GDPD4: variants seen among roughly 807,000 people sequenced by gnomAD.
The protein encoded by GDPD4 is glycerophosphodiester phosphodiesterase 6.
A neutral mutation model predicts 67.8 loss-of-function variants in GDPD4; 60 were observed. That is an observed-to-expected ratio of 0.88 (90% CI 0.72 to 1.10). The LOEUF (loss-of-function observed/expected upper bound fraction) is 1.10. Ranked by LOEUF, GDPD4 falls within the 50% of genes least tolerant of loss-of-function variation. The probability of loss-of-function intolerance (pLI) is 0.00; values close to 1 mark genes in which losing one functional copy is unlikely to be tolerated. For missense variants in GDPD4, 623 were observed against 613.9 expected, an observed-to-expected ratio of 1.01 and a Z score of -0.16; for synonymous variants, 212 against 210.9, an observed-to-expected ratio of 1.00 and a Z score of -0.04.
At chr11:77,285,052 T>C (rs1294520923) in intron 3 of GDPD4, 33 bp downstream of exon 3, 1 of 1,537,508 alleles carries the variant, frequency 6.5e-7, no homozygotes, top group Non-Finnish European at 9.0e-7. Flanking sequence ...AAAATACCCT[T>C]ACACAAATGA....
At chr11:77,236,483 G>C (rs1315641909) in intron 13 of GDPD4, among the ~76,000 whole-genome samples, 1 of 151,910 alleles carries the variant, frequency 6.6e-6, no homozygotes, top group Non-Finnish European at 1.5e-5. Flanking sequence ...ACAAAATTTT[G>C]TTTATAAGAG....
At chr11:77,225,201 T>C (rs1958304156) in intron 16 of GDPD4, among the ~76,000 whole-genome samples, 1 of 151,640 alleles carries the variant, frequency 6.6e-6, no homozygotes, top group Admixed American at 6.6e-5. Context: ...CTCAGAAGAC[T>C]GAGGCAGGAG....
intron 10 of GDPD4, among the ~76,000 whole-genome samples, chr11:77,262,854 CAAAAAAAAAAA>C (rs67911054): frequency 4.5e-5 from 3 of 67,004 alleles, no homozygotes; most frequent in Admixed American, 4.2e-4. Flanking sequence ...TTCTCTGCTG[CAAAAAAAAAAA>C]AAAAAAAAAA....
chr11:77,227,135 T>G (rs73497695), intron 16 of GDPD4, among the ~76,000 whole-genome samples: 12,492 of 152,274 alleles, frequency 0.082, 1,787 homozygotes, highest in African/African-American at 0.29. Flanking sequence ...CAAAACTTAC[T>G]GTGTGATCAT....
chr11:77,290,612 G>A (rs995653341), intron 1 of GDPD4, among the ~76,000 whole-genome samples: 5 of 152,134 alleles, frequency 3.3e-5, no homozygotes, highest in Non-Finnish European at 7.4e-5. Context: ...TACAGCAAGA[G>A]GAATGTTGAG....
chr11:77,257,023 G>C (rs754357791), intron 11 of GDPD4, among the ~76,000 whole-genome samples: 1 of 152,054 alleles, frequency 6.6e-6, no homozygotes, highest in Non-Finnish European at 1.5e-5. Context: ...ATGATCAAAC[G>C]GCCCTCAGGA....
intron 1 of GDPD4, among the ~76,000 whole-genome samples, chr11:77,294,491 CAT>C (rs1432428752): frequency 1.3e-5 from 2 of 152,072 alleles, no homozygotes; most frequent in Non-Finnish European, 2.9e-5. Flanking sequence ...AGTAAAGACT[CAT>C]AACAATACTG....
At chr11:77,248,493 C>G (rs1489518318) in intron 11 of GDPD4, among the ~76,000 whole-genome samples, 1 of 152,060 alleles carries the variant, frequency 6.6e-6, no homozygotes, top group African/African-American at 2.4e-5. Flanking sequence ...AGCCACCATG[C>G]CCGGCCAACA....
chr11:77,279,197 A>C, intron 4 of GDPD4, 109 bp downstream of exon 4: 1 of 652,182 alleles, frequency 1.5e-6, no homozygotes, highest in Non-Finnish European at 2.7e-6. Context: ...GACAAGAGTG[A>C]TCTTAGGTTC....
intron 14 of GDPD4, among the ~76,000 whole-genome samples, chr11:77,231,811 G>T (rs569517706): frequency 6.6e-6 from 1 of 152,102 alleles, no homozygotes; most frequent in African/African-American, 2.4e-5. Context: ...TATACATGAA[G>T]GGGAGTTATA....
chr11:77,217,557 C>G (rs1958148186), intron 16 of GDPD4, among the ~76,000 whole-genome samples: 1 of 152,158 alleles, frequency 6.6e-6, no homozygotes, highest in Non-Finnish European at 1.5e-5. Flanking sequence ...TGGAAGTCCT[C>G]AGAAAGCAGA....
rs754632373 is a variant in GDPD4, at chr11:77,258,458, G to A, written c.792C>T (p.Cys264=). 20 of 1,613,920 alleles carry A rather than the reference G, an allele frequency of 1.2e-5. No homozygotes were observed. The highest frequency in any genetic ancestry group is 4.4e-5 in the South Asian group (4 of 91,084). ...CCCAGTTGAAGAAGGCAGGGTTCTC[G>A]CAGGCAGATTCTGGCTGAACTTCCC... is the stretch of plus-strand genomic sequence containing the variant. ...NIGEVQPESA[C]ENPAFFNWDF... is the part of the protein sequence containing the mutation. Residue 264 remains cysteine, a synonymous_variant, in exon 11 of 17, where the codon TGC becomes TGT. Transcript: ENST00000315938.
chr11:77,243,639 G>A, intron 13 of GDPD4, 55 bp downstream of exon 13: 4 of 1,415,328 alleles, frequency 2.8e-6, no homozygotes, highest in Non-Finnish European at 3.0e-6. Flanking sequence ...ATTAGAATGT[G>A]TATTTTGTGT....
chr11:77,237,785 T>C (rs761275471), intron 13 of GDPD4, among the ~76,000 whole-genome samples: 3 of 152,196 alleles, frequency 2.0e-5, no homozygotes, highest in South Asian at 4.1e-4. Context: ...ACATAATTTG[T>C]GGGAGAAAAT....
At chr11:77,251,441 G>A (rs1565522798) in intron 11 of GDPD4, among the ~76,000 whole-genome samples, 1 of 152,088 alleles carries the variant, frequency 6.6e-6, no homozygotes, top group Non-Finnish European at 1.5e-5. Flanking sequence ...GCTTGTCTGG[G>A]AAAGACTTCC....
At chr11:77,264,315 G>A (rs1959167452) in intron 10 of GDPD4, among the ~76,000 whole-genome samples, 1 of 152,038 alleles carries the variant, frequency 6.6e-6, no homozygotes, top group Non-Finnish European at 1.5e-5. Context: ...TCACATTTAA[G>A]AACAACATAG....
intron 16 of GDPD4, among the ~76,000 whole-genome samples, chr11:77,221,849 A>G (rs113025237): frequency 2.1e-5 from 1 of 48,570 alleles, no homozygotes; most frequent in South Asian, 8.3e-4. Flanking sequence ...GTCTCCCATT[A>G]TTATTGTGTT....
At chr11:77,284,012 T>G (rs1042844638) in intron 3 of GDPD4, among the ~76,000 whole-genome samples, 2 of 152,088 alleles carry the variant, frequency 1.3e-5, no homozygotes, top group Non-Finnish European at 2.9e-5. Context: ...CACACCACCA[T>G]GCCTGGCTAA....
chr11:77,284,981 C>A lies in GDPD4; in HGVS notation c.53+104G>T, dbSNP rs1021249907. On this transcript the variant is annotated intron_variant, in intron 3 of 16. Coordinates refer to ENST00000315938, the MANE Select transcript of GDPD4 (RefSeq NM_182833.3). The stretch of plus-strand genomic sequence containing the variant: ...CTGTGGAAAGCCCAGTTTTGTCCGC[C>A]TTCCCTACTATATCACCGGATCTTT... 4 of 850,868 alleles carry A rather than the reference C, an allele frequency of 4.7e-6. No homozygotes were observed. In the Admixed American group the frequency reaches 6.2e-5, roughly 13 times the overall value. The allele number at this position is 850,868 out of a possible 1,614,324, so 52.7% of individuals were successfully genotyped here.
Sources: gnomAD v4.1 joint callset for allele counts (sites outside exome capture counted in the v4.1 genomes callset) on GRCh38, gnomAD v4.1.1 for gene constraint, MANE v1.5 for transcripts, NCBI Gene and HGNC (gene_info 2026-07-23, HGNC 2026-07-21) for gene names.